FRMD5: variants seen among roughly 807,000 people sequenced by gnomAD.
The protein encoded by FRMD5 is FERM domain-containing protein 5.
Under a neutral mutation model 69.0 loss-of-function variants are expected in FRMD5, and 20 were observed. The observed-to-expected ratio is 0.29, with a 90% CI of 0.20 to 0.42. FRMD5 has a LOEUF of 0.42. Among genes scored for constraint, FRMD5 ranks in the 10% least tolerant of loss-of-function variants. FRMD5 has a pLI of 1.00. For synonymous variants in FRMD5, 271 were observed against 260.1 expected, an observed-to-expected ratio of 1.04 and a Z score of -0.40; for missense variants, 595 against 708.6, an observed-to-expected ratio of 0.84 and a Z score of 1.82.
intron 1 of FRMD5, among the ~76,000 whole-genome samples, chr15:44,000,702 C>T (rs1890172667): frequency 6.6e-6 from 1 of 152,208 alleles, no homozygotes; most frequent in Non-Finnish European, 1.5e-5. Context: ...TCAGGTGATC[C>T]ACCCACCTTG....
At chr15:44,029,206 A>G (rs1891569779) in intron 1 of FRMD5, among the ~76,000 whole-genome samples, 1 of 152,080 alleles carries the variant, frequency 6.6e-6, no homozygotes, top group Non-Finnish European at 1.5e-5. Context: ...TCCCCACTTC[A>G]CTCCTAAAAC....
At chr15:44,162,486 T>C (rs1352095671) in intron 1 of FRMD5, among the ~76,000 whole-genome samples, 3 of 152,184 alleles carry the variant, frequency 2.0e-5, no homozygotes, top group African/African-American at 7.2e-5. Context: ...TCTTTCATTA[T>C]AATTTGCCAA....
intron 1 of FRMD5, among the ~76,000 whole-genome samples, chr15:43,925,003 C>CTTT (rs58833260): frequency 1.6e-4 from 20 of 129,002 alleles, no homozygotes; most frequent in African/African-American, 2.5e-4. Context: ...CTTGTATATC[C>CTTT]TTTTTTTTTT....
At chr15:43,888,067 C>T in intron 10 of FRMD5, 108 bp downstream of exon 10, 2 of 780,534 alleles carry the variant, frequency 2.6e-6, no homozygotes, top group Admixed American at 4.8e-5. Context: ...AGCTCTTGCC[C>T]ACTTCCAGCT....
intron 1 of FRMD5, among the ~76,000 whole-genome samples, chr15:44,046,703 T>C (rs1892443119): frequency 6.6e-6 from 1 of 152,258 alleles, no homozygotes; most frequent in Admixed American, 6.5e-5. Context: ...CACTATAATT[T>C]TTCTAAGCAG....
intron 1 of FRMD5, among the ~76,000 whole-genome samples, chr15:43,963,552 A>C (rs1398458336): frequency 6.6e-6 from 1 of 152,222 alleles, no homozygotes; most frequent in Non-Finnish European, 1.5e-5. Flanking sequence ...CCATCCCATT[A>C]CTGGGTATAT....
intron 4 of FRMD5, among the ~76,000 whole-genome samples, chr15:43,910,567 T>G (rs2089268336): frequency 9.8e-6 from 1 of 101,772 alleles, no homozygotes; most frequent in African/African-American, 6.2e-5. Flanking sequence ...GGAGAGACCT[T>G]GTCTCAAAAA....
At chr15:44,127,707 C>G (rs1054686326) in intron 1 of FRMD5, among the ~76,000 whole-genome samples, 1 of 152,036 alleles carries the variant, frequency 6.6e-6, no homozygotes, top group Non-Finnish European at 1.5e-5. Flanking sequence ...AACCTCATCT[C>G]TACAAAAAAA....
At chr15:43,983,803 C>G (rs574637480) in intron 1 of FRMD5, among the ~76,000 whole-genome samples, 23 of 152,336 alleles carry the variant, frequency 1.5e-4, no homozygotes, top group African/African-American at 5.1e-4. Context: ...ACCTCTGGCT[C>G]TAAAATGTCA....
intron 1 of FRMD5, among the ~76,000 whole-genome samples, chr15:44,136,742 T>C (rs1212672605): frequency 6.6e-6 from 1 of 152,200 alleles, no homozygotes; most frequent in Non-Finnish European, 1.5e-5. Flanking sequence ...TTTTGCAATG[T>C]TATGGTTGAG....
chr15:44,103,015 G>A (rs759045976), intron 1 of FRMD5, among the ~76,000 whole-genome samples: 6 of 152,198 alleles, frequency 3.9e-5, no homozygotes, highest in Admixed American at 6.5e-5. Flanking sequence ...GGGAAAGGAA[G>A]GAATTCCAAA....
At chr15:43,960,247 C>A (rs543348440) in intron 1 of FRMD5, among the ~76,000 whole-genome samples, 1 of 152,168 alleles carries the variant, frequency 6.6e-6, no homozygotes, top group South Asian at 2.1e-4. Flanking sequence ...CACCACCACA[C>A]CCGGCTAATT....
At chr15:44,081,251 T>A (rs186265609) in intron 1 of FRMD5, among the ~76,000 whole-genome samples, 7 of 152,260 alleles carry the variant, frequency 4.6e-5, no homozygotes, top group Admixed American at 4.6e-4. Flanking sequence ...TAAGTTTACA[T>A]AATTTCCTAC....
In FRMD5 at chr15:43,981,887, T is replaced by A. The variant is rs78782984; in HGVS notation, c.103-57578A>T. Among the ~76,000 whole-genome samples the A allele has an allele frequency of 4.6e-4, 70 of 152,350 alleles. No homozygotes were observed. In the East Asian group the frequency reaches 0.012, roughly 26 times the overall value. On this transcript the variant is annotated intron_variant, in intron 1 of 13. Transcript: ENST00000417257. The stretch of plus-strand genomic sequence containing the variant: ...GATCCATGTTTTAAACCTTTAAACC[T>A]CTACCCTCTCCCCCACTTTTCTGCC...
chr15:43,878,659 G>A (rs771193913), intron 13 of FRMD5, among the ~76,000 whole-genome samples: 3 of 152,196 alleles, frequency 2.0e-5, no homozygotes, highest in Non-Finnish European at 4.4e-5. Context: ...TTCCCAGGCA[G>A]TCCTCAGCCC....
intron 1 of FRMD5, among the ~76,000 whole-genome samples, chr15:43,997,907 C>A (rs1175609877): frequency 1.3e-5 from 2 of 152,114 alleles, no homozygotes; most frequent in African/African-American, 4.8e-5. Context: ...GATCTCCGGT[C>A]TACTTCCAGT....
chr15:44,085,196 AT>A (rs1276891982), intron 1 of FRMD5, among the ~76,000 whole-genome samples: 4 of 152,170 alleles, frequency 2.6e-5, no homozygotes, highest in Non-Finnish European at 5.9e-5. Context: ...CATTAAATAG[AT>A]ATTATATAAG....
chr15:43,964,082 G>GAAAAT (rs746628457), intron 1 of FRMD5, among the ~76,000 whole-genome samples: 197 of 151,720 alleles, frequency 1.3e-3, no homozygotes, highest in South Asian at 4.8e-3. Flanking sequence ...AATATCACTA[G>GAAAAT]AAAATAAAAT....
intron 13 of FRMD5, chr15:43,876,090 A>C: frequency 7.4e-7 from 1 of 1,344,464 alleles, no homozygotes; most frequent in East Asian, 2.3e-5. Context: ...CATGGCTTCC[A>C]TGATTTTGCC....
Sources: allele counts gnomAD v4.1 joint callset (sites outside exome capture counted in the v4.1 genomes callset), GRCh38; gene constraint gnomAD v4.1.1; transcripts MANE v1.5; gene names NCBI Gene and HGNC (gene_info 2026-07-23, HGNC 2026-07-21).